The following ZNF445 variants were observed in gnomAD, a reference collection of about 807,000 sequenced individuals.
The protein encoded by ZNF445 is zinc finger protein 168.
ZNF445 carries 19 observed loss-of-function variants against 93.9 expected under a neutral mutation model. The ratio of observed to expected loss-of-function variants is 0.20; its 90% confidence interval spans 0.14 to 0.30. The LOEUF (loss-of-function observed/expected upper bound fraction) is 0.30. ZNF445 is among the 10% of genes least tolerant of loss of function. The pLI, the probability that ZNF445 is intolerant of heterozygous loss-of-function variation, is 1.00. For missense variants in ZNF445, 1,058 were observed against 1,259.4 expected (o/e 0.84, Z 2.42); for synonymous variants, 449 against 446.3 (o/e 1.01, Z -0.08).
At chr3:44,476,216 T>C (rs1559401775) in intron 1 of ZNF445, among the ~76,000 whole-genome samples, 1 of 152,234 alleles carries the variant, frequency 6.6e-6, no homozygotes, top group South Asian at 2.1e-4. Flanking sequence ...CATCGTAGAC[T>C]GCTTATGCAC....
At chr3:44,468,038 A>C (rs761061777) in intron 1 of ZNF445, among the ~76,000 whole-genome samples, 1 of 152,222 alleles carries the variant, frequency 6.6e-6, no homozygotes, top group African/African-American at 2.4e-5. Flanking sequence ...ATTACAGATG[A>C]AAATACTAAT....
chr3:44,468,686 C>A, intron 1 of ZNF445, among the ~76,000 whole-genome samples: 1 of 150,120 alleles, frequency 6.7e-6, no homozygotes, highest in Admixed American at 6.6e-5. Context: ...CCCCCTCCCC[C>A]CGAGGAGCTG....
At chr3:44,453,700 G>T (rs1056398604) in intron 3 of ZNF445, among the ~76,000 whole-genome samples, 1 of 152,146 alleles carries the variant, frequency 6.6e-6, no homozygotes, top group Non-Finnish European at 1.5e-5. Context: ...GCAGGAGAAG[G>T]GCAGGAAGAA....
chr3:44,476,918 AT>A (rs1199259146), intron 1 of ZNF445, among the ~76,000 whole-genome samples: 7 of 152,204 alleles, frequency 4.6e-5, no homozygotes, highest in African/African-American at 1.4e-4. Context: ...CAAAAAAAAA[AT>A]GTTTTAGTGG....
chr3:44,455,256 C>G lies in ZNF445; in HGVS notation c.294G>C (p.Leu98=). 1 of 1,614,246 alleles carries G rather than the reference C, an allele frequency of 6.2e-7. No individual in the cohort carries two copies. Among genetic ancestry groups the G allele is most frequent in the Non-Finnish European group, 8.5e-7 (1 of 1,180,042 alleles). Residue 98 remains leucine (L), a synonymous_variant, in exon 3 of 8, where the codon CTG becomes CTC. Coordinates refer to ENST00000396077, the MANE Select transcript of ZNF445 (RefSeq NM_181489.6). ...VLSKAQILEL[L]VLEQFLSILP... ...GGATGCTCAGGAACTGTTCCAGCAC[C>G]AGCAGCTCTAGGATCTGTGCCTTGG...
chr3:44,471,913 T>C (rs1276373783), intron 1 of ZNF445, among the ~76,000 whole-genome samples: 2 of 151,182 alleles, frequency 1.3e-5, no homozygotes, highest in African/African-American at 2.4e-5. Context: ...TGAAGGCCTA[T>C]AAAAGGAGAC....
In ZNF445 at chr3:44,440,784, T is replaced by G. The variant is rs1234310760; in HGVS notation, c.*5791A>C. On this transcript the variant is annotated 3_prime_UTR_variant, in exon 8 of 8. Transcript: ENST00000396077. The stretch of plus-strand genomic sequence containing the variant: ...CTGGTTGCCTATTTTTATGGTTATT[T>G]ATTGATTATATGCTAAACAAGGGGT... The G allele has an allele frequency of 6.6e-6, 1 of 152,216 alleles. No individual in the cohort carries two copies. The highest frequency in any genetic ancestry group is 2.4e-5 in the African/African-American group (1 of 41,438). The allele number at this position is 152,216 out of a possible 1,614,324, so 9.4% of individuals were successfully genotyped here.
intron 1 of ZNF445, among the ~76,000 whole-genome samples, chr3:44,469,309 T>C (rs2125685375): frequency 6.6e-6 from 1 of 152,302 alleles, no homozygotes; most frequent in South Asian, 2.1e-4. Flanking sequence ...CCACTTGCAA[T>C]GTGTTGGTCC....
chr3:44,457,246 C>T (rs972256092), intron 2 of ZNF445, among the ~76,000 whole-genome samples: 1 of 152,050 alleles, frequency 6.6e-6, no homozygotes, highest in African/African-American at 2.4e-5. Context: ...TAGAGGAGTC[C>T]ACACCTGTGA....
At chr3:44,460,417 T>A (rs1232107940) in intron 1 of ZNF445, among the ~76,000 whole-genome samples, 1 of 152,202 alleles carries the variant, frequency 6.6e-6, no homozygotes, top group East Asian at 1.9e-4. Context: ...AGATTAGAAA[T>A]TATGGTTTAG....
intron 3 of ZNF445, 40 bp downstream of exon 3, chr3:44,455,081 G>A (rs778588325): frequency 6.2e-7 from 1 of 1,613,088 alleles, no homozygotes; most frequent in Non-Finnish European, 8.5e-7. Flanking sequence ...CTCACTAGCA[G>A]GCAGAGTTCC....
Position 44,455,366 on chromosome 3 carries a change from G to T in ZNF445, c.184C>A (p.Arg62Ser). The T allele has an allele frequency of 1.2e-6, 2 of 1,614,096 alleles. No homozygotes were observed. The highest frequency in any genetic ancestry group is 1.7e-6 in the Non-Finnish European group (2 of 1,179,986). ...AGGGGCCCTGAAGACTCATGGTAGC[G>T]AAGCTGTCTGAAGAGCTGGCGGAAC... ...ELFRQLFRQL[R>S]YHESSGPLET... Residue 62 changes from arginine to serine, a missense_variant, in exon 3 of 8, where the codon CGC becomes AGC. Arg to Ser is a moderately radical substitution (Grantham distance 110). Coordinates refer to ENST00000396077, the MANE Select transcript of ZNF445 (RefSeq NM_181489.6).
chr3:44,449,750 C>T (rs950878527), intron 6 of ZNF445, 127 bp from the exon 7 acceptor site: 25 of 692,028 alleles, frequency 3.6e-5, no homozygotes, highest in Middle Eastern at 3.5e-4. Flanking sequence ...CAGAAGCTAG[C>T]GAAGGAGGCC....
intron 1 of ZNF445, among the ~76,000 whole-genome samples, chr3:44,472,818 C>T (rs1389790501): frequency 1.3e-5 from 2 of 152,164 alleles, no homozygotes; most frequent in Non-Finnish European, 2.9e-5. Flanking sequence ...TATCTTCTTG[C>T]TGAGATTATA....
chr3:44,466,223 G>A (rs2125684399), intron 1 of ZNF445, among the ~76,000 whole-genome samples: 1 of 152,232 alleles, frequency 6.6e-6, no homozygotes, highest in Middle Eastern at 3.4e-3. Context: ...GCCAAAGAAT[G>A]ATTTATGGTG....
In ZNF445 at chr3:44,435,088, T is replaced by C. The variant is rs1697649209; in HGVS notation, c.*11487A>G. 6.6e-6 allele frequency: 1 copy of C among 152,124 alleles called. No homozygotes were observed. The highest frequency in any genetic ancestry group is 1.5e-5 in the Non-Finnish European group (1 of 68,014). 9.4% of individuals were successfully genotyped at this position (152,124 alleles called of 1,614,324 possible). A position where few individuals can be genotyped will look rare whatever the true frequency, so the allele number is the denominator to read the frequency against. ...GAGGGCCAAAAACTCCACCCTCAGA[T>C]CATGTTAACGCCACCATTTTCTGCA... On this transcript the variant is annotated 3_prime_UTR_variant, in exon 8 of 8. Coordinates refer to ENST00000396077, the MANE Select transcript of ZNF445 (RefSeq NM_181489.6).
chr3:44,460,085 C>T (rs1190500707), intron 1 of ZNF445, among the ~76,000 whole-genome samples: 2 of 152,124 alleles, frequency 1.3e-5, no homozygotes, highest in African/African-American at 2.4e-5. Context: ...AATAGATGCA[C>T]GGTATATAGA....
intron 3 of ZNF445, chr3:44,454,759 G>T: frequency 3.4e-6 from 1 of 293,412 alleles, no homozygotes; most frequent in Non-Finnish European, 6.6e-6. Flanking sequence ...ACAGTGTGGG[G>T]GGGTCCTCCT....
At chr3:44,474,859 C>G (rs1698322378) in intron 1 of ZNF445, among the ~76,000 whole-genome samples, 1 of 152,004 alleles carries the variant, frequency 6.6e-6, no homozygotes, top group African/African-American at 2.4e-5. Context: ...TGGCCAGGCG[C>G]GGTGGCTCAC....
Sources: gnomAD v4.1 joint callset for allele counts (sites outside exome capture counted in the v4.1 genomes callset) on GRCh38, gnomAD v4.1.1 for gene constraint, MANE v1.5 for transcripts, NCBI Gene and HGNC (gene_info 2026-07-23, HGNC 2026-07-21) for gene names.